IGF2BP2: variants seen among roughly 807,000 people sequenced by gnomAD.
IGF2BP2 encodes insulin-like growth factor 2 mRNA-binding protein 2.
Under a neutral mutation model 75.8 loss-of-function variants are expected in IGF2BP2, and 17 were observed. The observed-to-expected ratio is 0.22, with a 90% CI of 0.15 to 0.34. The LOEUF (loss-of-function observed/expected upper bound fraction) is 0.34, where lower values mean the gene tolerates loss of function less well. IGF2BP2 is among the 10% of genes least tolerant of loss of function. The pLI, the probability that IGF2BP2 is intolerant of heterozygous loss-of-function variation, is 1.00. For missense variants in IGF2BP2, 516 were observed against 772.4 expected (o/e 0.67, Z 3.93); for synonymous variants, 288 against 295.6 (o/e 0.97, Z 0.26).
intron 2 of IGF2BP2, among the ~76,000 whole-genome samples, chr3:185,765,067 A>G (rs1490799924): frequency 6.6e-6 from 1 of 152,200 alleles, no homozygotes; most frequent in Non-Finnish European, 1.5e-5. Flanking sequence ...TAATTTACTT[A>G]ATTCCCAGCC....
chr3:185,677,044 GATATAT>G (rs1164588813), intron 7 of IGF2BP2, among the ~76,000 whole-genome samples: 893 of 23,872 alleles, frequency 0.037, 55 homozygotes, highest in Middle Eastern at 0.15. Flanking sequence ...TATATATGGA[GATATAT>G]ATATATATAT....
intron 2 of IGF2BP2, among the ~76,000 whole-genome samples, chr3:185,705,434 C>T (rs888123228): frequency 1.3e-5 from 2 of 152,136 alleles, no homozygotes; most frequent in African/African-American, 2.4e-5. Flanking sequence ...CAGTTATGAA[C>T]CCAGTAACTT....
chr3:185,669,880 G>T (rs1054166016), intron 10 of IGF2BP2, among the ~76,000 whole-genome samples: 6 of 152,204 alleles, frequency 3.9e-5, no homozygotes, highest in Admixed American at 6.5e-5. Flanking sequence ...GGTCTGCTGG[G>T]CCCACCAGGG....
At chr3:185,681,342 T>C (rs1337621791) in intron 7 of IGF2BP2, among the ~76,000 whole-genome samples, 1 of 152,060 alleles carries the variant, frequency 6.6e-6, no homozygotes, top group Non-Finnish European at 1.5e-5. Context: ...TACAATAGCA[T>C]CAAAAAGTAT....
chr3:185,757,772 G>A (rs905820294), intron 2 of IGF2BP2, among the ~76,000 whole-genome samples: 1 of 152,116 alleles, frequency 6.6e-6, no homozygotes, highest in Admixed American at 6.6e-5. Flanking sequence ...TATAGCTCAT[G>A]TATTTTTAAA....
intron 2 of IGF2BP2, among the ~76,000 whole-genome samples, chr3:185,769,980 T>C (rs113993893): frequency 0.033 from 4,954 of 152,218 alleles, 126 homozygotes; most frequent in South Asian, 0.055. Context: ...AAGTGCCAAC[T>C]GCCTATAGCA....
intron 2 of IGF2BP2, among the ~76,000 whole-genome samples, chr3:185,818,975 A>C (rs1411160074): frequency 1.3e-5 from 2 of 152,196 alleles, no homozygotes; most frequent in Non-Finnish European, 2.9e-5. Flanking sequence ...AATTTGTTCT[A>C]AATCTTCTTT....
intron 2 of IGF2BP2, among the ~76,000 whole-genome samples, chr3:185,752,764 T>G (rs1474086890): frequency 6.6e-6 from 1 of 152,124 alleles, no homozygotes; most frequent in African/African-American, 2.4e-5. Flanking sequence ...ACCCAGCTAA[T>G]TTTTGTATTT....
At chr3:185,792,329 G>A (rs1013453824) in intron 2 of IGF2BP2, among the ~76,000 whole-genome samples, 1 of 152,180 alleles carries the variant, frequency 6.6e-6, no homozygotes, top group Admixed American at 6.5e-5. Context: ...ACAGGGCTGG[G>A]CGGGGTGGCT....
chr3:185,695,381 T>G (rs963199625), intron 4 of IGF2BP2, among the ~76,000 whole-genome samples: 1 of 152,210 alleles, frequency 6.6e-6, no homozygotes, highest in African/African-American at 2.4e-5. Context: ...TTATACAGGT[T>G]CTCTTTGGGT....
chr3:185,718,684 C>CAAAAAA lies in IGF2BP2; in HGVS notation c.240-20343_240-20338dup, dbSNP rs10699427. ...TGGACAACAGAGCGAGACTCTGTCT[C>CAAAAAA]AAAAAAAAAAAAAAAAAAAAAAAAG... On this transcript the variant is annotated intron_variant, in intron 2 of 15. Transcript: ENST00000382199. Among the ~76,000 whole-genome samples, 60 of 49,228 alleles carry CAAAAAA rather than the reference C, an allele frequency of 1.2e-3. 1 individual carries two copies. Among genetic ancestry groups the CAAAAAA allele is most frequent in the Admixed American group, 1.5e-3 (5 of 3,426 alleles). 32.3% of individuals were successfully genotyped at this position (49,228 alleles called of 152,430 possible).
chr3:185,799,104 A>G (rs1267620231), intron 2 of IGF2BP2, among the ~76,000 whole-genome samples: 1 of 149,628 alleles, frequency 6.7e-6, no homozygotes, highest in Admixed American at 6.6e-5. Flanking sequence ...AACATTTAGG[A>G]GAAAGAAGCT....
chr3:185,703,514 T>TA (rs756196454), intron 2 of IGF2BP2, among the ~76,000 whole-genome samples: 5 of 149,144 alleles, frequency 3.4e-5, no homozygotes, highest in South Asian at 2.1e-4. Context: ...TCTGTATTAT[T>TA]AAAAAAAAAA....
chr3:185,824,609 C>A (rs1426954694), intron 1 of IGF2BP2, among the ~76,000 whole-genome samples, 174 bp downstream of exon 1: 1 of 151,262 alleles, frequency 6.6e-6, no homozygotes, highest in Non-Finnish European at 1.5e-5. Context: ...GGGAGGGGAG[C>A]GGGCCGTCCC....
At chr3:185,732,205 T>C (rs1728286844) in intron 2 of IGF2BP2, among the ~76,000 whole-genome samples, 2 of 152,198 alleles carry the variant, frequency 1.3e-5, no homozygotes, top group South Asian at 4.1e-4. Context: ...TGGCTTTTTC[T>C]CTATTGGGAG....
At chr3:185,759,544 G>T (rs992314214) in intron 2 of IGF2BP2, among the ~76,000 whole-genome samples, 1 of 152,218 alleles carries the variant, frequency 6.6e-6, no homozygotes, top group Non-Finnish European at 1.5e-5. Flanking sequence ...CGCTTAAGAG[G>T]TAAGAGTCCA....
chr3:185,736,716 A>G (rs1434560321), intron 2 of IGF2BP2, among the ~76,000 whole-genome samples: 4 of 152,236 alleles, frequency 2.6e-5, no homozygotes, highest in African/African-American at 9.6e-5. Context: ...AGAGTTAATG[A>G]GCTCAACACT....
rs1406271428 is a variant in IGF2BP2 at position 185,689,351 on chromosome 3, G to A, written c.677+4C>T. ...GAAGCAAAGGAAGCCCCACAGGCAC[G>A]TACCGGGACTGGGTCTGCTTAGTGA... is the stretch of plus-strand genomic sequence containing the variant. On this transcript the variant is annotated splice_donor_region_variant and intron_variant, in intron 6 of 15. Coordinates refer to ENST00000382199, the MANE Select transcript of IGF2BP2 (RefSeq NM_006548.6). The A allele has an allele frequency of 1.9e-6, 3 of 1,612,000 alleles. No homozygotes were observed. Among genetic ancestry groups the A allele is most frequent in the African/African-American group, 1.3e-5 (1 of 75,016 alleles).
chr3:185,793,817 A>C (rs1390566544), intron 2 of IGF2BP2, among the ~76,000 whole-genome samples: 2 of 152,146 alleles, frequency 1.3e-5, no homozygotes, highest in African/African-American at 2.4e-5. Context: ...TGGAATTCCA[A>C]GATTCCCAGT....
Sources: allele counts gnomAD v4.1 joint callset (sites outside exome capture counted in the v4.1 genomes callset), GRCh38; gene constraint gnomAD v4.1.1; transcripts MANE v1.5; gene names NCBI Gene and HGNC (gene_info 2026-07-23, HGNC 2026-07-21).